The following TACC2 variants were observed in gnomAD, a reference collection of about 807,000 sequenced individuals.
TACC2 encodes the protein transforming acidic coiled-coil containing protein 2.
TACC2 carries 137 observed loss-of-function variants against 227.3 expected under a neutral mutation model. That is an observed-to-expected ratio of 0.60 (90% CI 0.52 to 0.69). TACC2 has a LOEUF of 0.69. Ranked by LOEUF, TACC2 falls within the 30% of genes least tolerant of loss-of-function variation. TACC2 has a pLI of 0.00. For missense variants in TACC2, 3,470 were observed against 3,694.4 expected (o/e 0.94, Z 1.57); for synonymous variants, 1,523 against 1,487.5 (o/e 1.02, Z -0.55).
intron 5 of TACC2, among the ~76,000 whole-genome samples, chr10:122,096,214 C>T (rs1010049722): frequency 7.2e-5 from 11 of 152,246 alleles, no homozygotes; most frequent in African/African-American, 2.6e-4. Flanking sequence ...CTTTCCTGCA[C>T]CCAAGGAGGC....
chr10:122,101,817 C>T (rs2082196842), intron 5 of TACC2, among the ~76,000 whole-genome samples: 1 of 147,724 alleles, frequency 6.8e-6, no homozygotes, highest in South Asian at 2.2e-4. Flanking sequence ...TGTGATCTGC[C>T]TGCCTTGGCC....
chr10:122,173,700 T>C (rs1409025782), intron 7 of TACC2, among the ~76,000 whole-genome samples: 4 of 152,182 alleles, frequency 2.6e-5, no homozygotes, highest in Non-Finnish European at 5.9e-5. Context: ...CTGTGGAAGG[T>C]GGTCCTTTGC....
At position 122,087,176 on chromosome 10, in the gene TACC2, G is replaced by T; in HGVS notation, c.4676G>T (p.Gly1559Val). The T allele has an allele frequency of 6.2e-7, 1 of 1,611,588 alleles. No homozygotes were observed. The highest frequency in any genetic ancestry group is 8.5e-7 in the Non-Finnish European group (1 of 1,179,232). ...LERSRQELAS[G>V]LPSPAATQEL... is the part of the protein sequence containing the mutation. ...AGGAGCAGGCAGGAATTAGCTTCAGGTCTTCCTTCACCAGCAGCTACTCAG... is the reference window on the plus strand; with the variant it reads ...AGGAGCAGGCAGGAATTAGCTTCAGTTCTTCCTTCACCAGCAGCTACTCAG... The change falls in exon 4 of 23, where the codon GGT (glycine) becomes GTT (valine). Residue 1559 changes from glycine to valine, a missense_variant. Physicochemically the swap from Gly to Val is moderately radical, Grantham distance 109. Around this residue, in one of 10 missense-constraint regions of TACC2, gnomAD observed 1,924 missense variants for 1,978.3 expected, o/e 0.97. Transcript: ENST00000369005.
chr10:122,133,645 A>ATGC (rs1292417015), intron 6 of TACC2, among the ~76,000 whole-genome samples: 1 of 152,180 alleles, frequency 6.6e-6, no homozygotes, highest in East Asian at 1.9e-4. Context: ...GAATAGGCAG[A>ATGC]TGCTGTCCCT....
At chr10:122,197,933 G>A (rs1484112915) in intron 8 of TACC2, among the ~76,000 whole-genome samples, 1 of 152,256 alleles carries the variant, frequency 6.6e-6, no homozygotes, top group Non-Finnish European at 1.5e-5. Flanking sequence ...GTAGGTGGCT[G>A]TAGGAGAAGA....
intron 5 of TACC2, among the ~76,000 whole-genome samples, chr10:122,132,227 G>T (rs1433547924): frequency 6.6e-6 from 1 of 152,078 alleles, no homozygotes; most frequent in African/African-American, 2.4e-5. Context: ...GATCCAGATA[G>T]AAATGTGCTG....
At chr10:122,203,272 GC>G (rs1385373515) in intron 8 of TACC2, among the ~76,000 whole-genome samples, 1 of 142,732 alleles carries the variant, frequency 7.0e-6, no homozygotes, top group Non-Finnish European at 1.5e-5. Context: ...GGACGGGGCG[GC>G]TGGCCGGGCA....
intron 22 of TACC2, among the ~76,000 whole-genome samples, chr10:122,252,607 C>G (rs767697842): frequency 6.6e-6 from 1 of 151,972 alleles, no homozygotes; most frequent in African/African-American, 2.4e-5. Context: ...TCTCCTGCCT[C>G]AGCTTCCCTA....
chr10:122,018,536 G>A (rs537550661), intron 1 of TACC2, among the ~76,000 whole-genome samples: 4 of 152,022 alleles, frequency 2.6e-5, no homozygotes, highest in African/African-American at 9.7e-5. Flanking sequence ...TGCCCATTAA[G>A]CCGATATTTC....
chr10:122,124,303 C>G (rs2086408572), intron 5 of TACC2, among the ~76,000 whole-genome samples: 1 of 152,162 alleles, frequency 6.6e-6, no homozygotes, highest in Non-Finnish European at 1.5e-5. Context: ...ACAACTAACT[C>G]CACCTCCTCT....
chr10:122,253,910 C>T (rs2142017170), intron 22 of TACC2, 81 bp from the exon 23 acceptor site: 2 of 1,185,086 alleles, frequency 1.7e-6, no homozygotes, highest in Middle Eastern at 1.9e-4. Flanking sequence ...GGTGGTCCCC[C>T]ATCTCCCCAA....
chr10:122,115,319 TGA>T lies in TACC2; in HGVS notation c.5574-17287_5574-17286del, dbSNP rs57537977. Among the ~76,000 whole-genome samples, 13 of 11,674 alleles carry T rather than the reference TGA, an allele frequency of 1.1e-3. 1 individual carries two copies. Among genetic ancestry groups the T allele is most frequent in the Admixed American group, 4.9e-3 (3 of 612 alleles). 7.7% of individuals were successfully genotyped at this position (11,674 alleles called of 152,430 possible). On this transcript the variant is annotated intron_variant, in intron 5 of 22. Transcript: ENST00000369005. ...GTGTGTGTGTGTGTGTGTGTGTGTG[TGA>T]GATACCTGAGCATGCACATATGGGG...
In TACC2 at chr10:122,100,862, G is replaced by A. The variant is rs559306830; in HGVS notation, c.5573+12271G>A. 6.1e-4 allele frequency among the ~76,000 whole-genome samples: 93 copies of A among 152,298 alleles called. No individual in the cohort carries two copies. The Middle Eastern group carries it at 0.014, about 22-fold the overall frequency. On this transcript the variant is annotated intron_variant, in intron 5 of 22. Transcript: ENST00000369005. ...GCTGAGAGATGTTGGCCAGACCCAT[G>A]TGCCCATGTCTCTGGGTGACCCCTC...
At chr10:122,163,945 G>A (rs1318324556) in intron 7 of TACC2, 1 of 1,586,170 alleles carries the variant, frequency 6.3e-7, no homozygotes, top group Non-Finnish European at 8.6e-7. Flanking sequence ...CGCAGTCCCT[G>A]CAGCCAGCCC....
intron 2 of TACC2, among the ~76,000 whole-genome samples, chr10:122,038,563 G>T (rs967743777): frequency 6.6e-6 from 1 of 152,180 alleles, no homozygotes; most frequent in African/African-American, 2.4e-5. Flanking sequence ...GTCTTGAGAC[G>T]CTCTCCAGGT....
chr10:122,111,467 A>C (rs993414404), intron 5 of TACC2, among the ~76,000 whole-genome samples: 1 of 69,322 alleles, frequency 1.4e-5, no homozygotes, highest in Admixed American at 2.2e-4. Flanking sequence ...TTTACCACAA[A>C]TGGATATGAC....
rs768551243 is a variant in TACC2, at chr10:122,253,969, TCTTC to T, written c.8782-18_8782-15del. On this transcript the variant is annotated intron_variant, in intron 22 of 22. Coordinates refer to ENST00000369005, the MANE Select transcript of TACC2 (RefSeq NM_206862.4). ...GGCCAGATTTCAAACATCAGCAACT[TCTTC>T]CTTGTCTTCACTTGCAGAATAAAGA... 6.2e-7 allele frequency: 1 copy of T among 1,611,366 alleles called. No homozygotes were observed. The highest frequency in any genetic ancestry group is 1.1e-5 in the South Asian group (1 of 90,988).
At chr10:122,039,496 G>A (rs1262228897) in intron 2 of TACC2, among the ~76,000 whole-genome samples, 1 of 152,096 alleles carries the variant, frequency 6.6e-6, no homozygotes, top group East Asian at 1.9e-4. Context: ...GTGGAGACAA[G>A]GTCAGATGAG....
At position 122,082,750 on chromosome 10, in the gene TACC2, C is replaced by A. The variant is rs1220763436; in HGVS notation, c.250C>A (p.Pro84Thr). Residue 84 changes from proline (P) to threonine (T), a missense_variant, in exon 4 of 23, where the codon CCA (proline) becomes ACA (threonine). Transcript: ENST00000369005. The part of the protein sequence containing the change: ...SPEVTEPRKD[P>T]QGARGPEGSL... ...AGAGGTGACTGAGCCAAGGAAGGAC[C>A]CACAGGGAGCCAGGGGGCCAGAAGG... 1.2e-6 allele frequency: 2 copies of A among 1,613,984 alleles called. No individual in the cohort carries two copies. Among genetic ancestry groups the A allele is most frequent in the South Asian group, 1.1e-5 (1 of 91,070 alleles).
Sources: gnomAD v4.1 joint callset for allele counts (sites outside exome capture counted in the v4.1 genomes callset) on GRCh38, gnomAD v4.1.1 for gene constraint, gnomAD v4.1.1 regional missense constraint, MANE v1.5 for transcripts, NCBI Gene and HGNC (gene_info 2026-07-23, HGNC 2026-07-21) for gene names.